SLC1A1: variants seen among roughly 807,000 people sequenced by gnomAD.
SLC1A1 encodes the protein excitatory amino acid transporter 3.
Under a neutral mutation model 53.3 loss-of-function variants are expected in SLC1A1, and 43 were observed. That is an observed-to-expected ratio of 0.81 (90% CI 0.63 to 1.04). The LOEUF (loss-of-function observed/expected upper bound fraction) is 1.04. Among genes scored for constraint, SLC1A1 ranks in the 50% least tolerant of loss-of-function variants. SLC1A1 has a pLI of 0.00. For missense variants in SLC1A1, 748 were observed against 664.9 expected (o/e 1.12, Z -1.37); for synonymous variants, 307 against 243.2 (o/e 1.26, Z -2.44).
chr9:4,537,183 T>C (rs553269918), intron 1 of SLC1A1, among the ~76,000 whole-genome samples: 35 of 151,984 alleles, frequency 2.3e-4, no homozygotes, highest in African/African-American at 7.7e-4. Context: ...CCCTAAAACT[T>C]AAATAATAAA....
chr9:4,576,805 G>C, intron 10 of SLC1A1, 42 bp downstream of exon 10: 1 of 1,556,864 alleles, frequency 6.4e-7, no homozygotes, highest in Non-Finnish European at 8.9e-7. Context: ...CTGATACAGG[G>C]ATTACCGCCA....
At chr9:4,538,744 C>A (rs1816771354) in intron 1 of SLC1A1, among the ~76,000 whole-genome samples, 1 of 152,158 alleles carries the variant, frequency 6.6e-6, no homozygotes, top group Non-Finnish European at 1.5e-5. Flanking sequence ...CGTGAAGAGC[C>A]TGTATTGGTG....
At chr9:4,567,427 A>T (rs1364952070) in intron 5 of SLC1A1, among the ~76,000 whole-genome samples, 1 of 152,192 alleles carries the variant, frequency 6.6e-6, no homozygotes, top group African/African-American at 2.4e-5. Flanking sequence ...GTGAAAGTGA[A>T]GGAACATTTT....
chr9:4,493,202 A>T (rs1163903356), intron 1 of SLC1A1, among the ~76,000 whole-genome samples: 1 of 152,228 alleles, frequency 6.6e-6, no homozygotes, highest in Non-Finnish European at 1.5e-5. Context: ...GTTCCTTCAG[A>T]TGGCAACAAA....
intron 2 of SLC1A1, among the ~76,000 whole-genome samples, chr9:4,561,003 A>T (rs1473923824): frequency 1.3e-5 from 2 of 152,110 alleles, no homozygotes; most frequent in Admixed American, 6.5e-5. Context: ...CTCAAAACAA[A>T]CAAACAAACA....
chr9:4,510,292 T>C (rs1037332154), intron 1 of SLC1A1, among the ~76,000 whole-genome samples: 5 of 152,172 alleles, frequency 3.3e-5, no homozygotes, highest in Admixed American at 2.0e-4. Flanking sequence ...CTAGAAAGCA[T>C]TGCCCGTGCA....
chr9:4,532,796 T>A (rs1816524384), intron 1 of SLC1A1, among the ~76,000 whole-genome samples: 1 of 152,158 alleles, frequency 6.6e-6, no homozygotes, highest in Non-Finnish European at 1.5e-5. Flanking sequence ...GGAAAAAATG[T>A]TAAGGGCAGC....
intron 4 of SLC1A1, 120 bp downstream of exon 4, chr9:4,564,578 G>A (rs1819304288): frequency 1.8e-5 from 13 of 740,466 alleles, no homozygotes; most frequent in South Asian, 1.6e-4. Flanking sequence ...GAATTATTGT[G>A]CACTTTCATT....
At chr9:4,529,998 T>C (rs1282123890) in intron 1 of SLC1A1, among the ~76,000 whole-genome samples, 1 of 152,174 alleles carries the variant, frequency 6.6e-6, no homozygotes, top group Non-Finnish European at 1.5e-5. Flanking sequence ...TATTTTCTTA[T>C]TTATTTAGAC....
chr9:4,491,105 T>C (rs1295666408), intron 1 of SLC1A1, among the ~76,000 whole-genome samples: 1 of 152,216 alleles, frequency 6.6e-6, no homozygotes, highest in Non-Finnish European at 1.5e-5. Context: ...TTTTTTTCTT[T>C]GTTAATCCCG....
chr9:4,508,820 G>C (rs138262561), intron 1 of SLC1A1, among the ~76,000 whole-genome samples: 1 of 152,286 alleles, frequency 6.6e-6, no homozygotes, highest in African/African-American at 2.4e-5. Flanking sequence ...TGCAGTCCTG[G>C]TTCGGCTCAA....
At chr9:4,574,296 A>G (rs1457170897) in intron 8 of SLC1A1, among the ~76,000 whole-genome samples, 1 of 152,226 alleles carries the variant, frequency 6.6e-6, no homozygotes, top group Non-Finnish European at 1.5e-5. Flanking sequence ...CAAGAGAGAA[A>G]CCCACTCGTA....
At position 4,577,960 on chromosome 9, in the gene SLC1A1, C is replaced by T. The variant is rs183618274; in HGVS notation, c.1193+1197C>T. The stretch of plus-strand genomic sequence containing the variant: ...CATCAGCTGGATTCAGGGTGAAAGG[C>T]GAGGGAATGCCAGGATGACTCCCAG... On this transcript the variant is annotated intron_variant, in intron 10 of 11. Transcript: ENST00000262352. 2.1e-4 allele frequency among the ~76,000 whole-genome samples: 32 copies of T among 152,162 alleles called. No homozygotes were observed. The East Asian group carries it at 5.0e-3, about 24-fold the overall frequency.
At chr9:4,533,183 A>G (rs938268493) in intron 1 of SLC1A1, among the ~76,000 whole-genome samples, 1 of 152,282 alleles carries the variant, frequency 6.6e-6, no homozygotes, top group Middle Eastern at 3.4e-3. Context: ...AGCTAAGATC[A>G]TAATGGCAGG....
chr9:4,574,119 C>T lies in SLC1A1; in HGVS notation c.875+105C>T. ...TTAAAACTGGCTTCTGCCCTATGTG[C>T]TGGGAAAGATAGGGTTCAGAGATAA... On this transcript the variant is annotated intron_variant, in intron 8 of 11. Transcript: ENST00000262352. 4 of 799,804 alleles carry T rather than the reference C, an allele frequency of 5.0e-6. No homozygotes were observed. In the South Asian group the frequency reaches 5.4e-5, roughly 11 times the overall value. 49.5% of individuals were successfully genotyped at this position (799,804 alleles called of 1,614,324 possible).
At chr9:4,564,725 G>A (rs1349890808) in intron 4 of SLC1A1, among the ~76,000 whole-genome samples, 1 of 152,142 alleles carries the variant, frequency 6.6e-6, no homozygotes, top group Non-Finnish European at 1.5e-5. Context: ...AGAGATGCTG[G>A]GATGGATTGG....
At chr9:4,569,610 G>T (rs188840930) in intron 6 of SLC1A1, among the ~76,000 whole-genome samples, 1 of 152,204 alleles carries the variant, frequency 6.6e-6, no homozygotes, top group Non-Finnish European at 1.5e-5. Flanking sequence ...AGGAGAAAAG[G>T]AGTGTTCATT....
Position 4,585,662 on chromosome 9 carries a change from T to G in SLC1A1, c.*104T>G. ...GAAACACTAATGGCCAAGTGTACATTTGATTTGATATACAGACCTCCAGAT... is the reference window on the plus strand; with the variant it reads ...GAAACACTAATGGCCAAGTGTACATGTGATTTGATATACAGACCTCCAGAT... On this transcript the variant is annotated 3_prime_UTR_variant, in exon 12 of 12. Transcript: ENST00000262352. 7.2e-7 allele frequency: 1 copy of G among 1,385,718 alleles called. No homozygotes were observed. The allele number at this position is 1,385,718 out of a possible 1,614,324, so 85.8% of individuals were successfully genotyped here. A position where few individuals can be genotyped will look rare whatever the true frequency, so the allele number is the denominator to read the frequency against.
chr9:4,554,940 A>T (rs1485453333), intron 2 of SLC1A1, among the ~76,000 whole-genome samples: 1 of 152,224 alleles, frequency 6.6e-6, no homozygotes, highest in South Asian at 2.1e-4. Context: ...TTTACTAAGA[A>T]CACACTGTGT....
Sources: gnomAD v4.1 joint callset for allele counts (sites outside exome capture counted in the v4.1 genomes callset) on GRCh38, gnomAD v4.1.1 for gene constraint, MANE v1.5 for transcripts, NCBI Gene and HGNC (gene_info 2026-07-23, HGNC 2026-07-21) for gene names.